Variants in SLCO1A2 observed in about 807,000 individuals in gnomAD.
SLCO1A2 encodes the protein OATP-1.
Under a neutral mutation model 69.0 loss-of-function variants are expected in SLCO1A2, and 67 were observed. The observed-to-expected ratio is 0.97, with a 90% CI of 0.80 to 1.19. The LOEUF (loss-of-function observed/expected upper bound fraction) is 1.19. Among genes scored for constraint, SLCO1A2 ranks in the 50% most tolerant of loss-of-function variants. The pLI is 0.00. For synonymous variants in SLCO1A2, 260 were observed against 265.9 expected (o/e 0.98, Z 0.22); for missense variants, 787 against 793.7 (o/e 0.99, Z 0.10).
intron 2 of SLCO1A2, chr12:21,319,305 C>T: frequency 7.5e-7 from 1 of 1,336,012 alleles, no homozygotes; most frequent in Non-Finnish European, 1.0e-6. Flanking sequence ...CAGAATTATA[C>T]AAAGACATTA....
intron 8 of SLCO1A2, among the ~76,000 whole-genome samples, chr12:21,299,749 T>C (rs1156377049): frequency 6.8e-6 from 1 of 146,332 alleles, no homozygotes; most frequent in Non-Finnish European, 1.5e-5. Flanking sequence ...TTTGAGCAAA[T>C]GGGACCATAT....
At chr12:21,373,568 T>C in intron 2 of SLCO1A2, 1 of 717,544 alleles carries the variant, frequency 1.4e-6, no homozygotes, top group Non-Finnish European at 2.5e-6. Context: ...GCTATTCCAT[T>C]GTTCCTTGAA....
intron 2 of SLCO1A2, among the ~76,000 whole-genome samples, chr12:21,321,506 ACTT>A (rs1286192733): frequency 2.6e-5 from 4 of 152,322 alleles, no homozygotes; most frequent in African/African-American, 9.6e-5. Flanking sequence ...AGCAAATTTT[ACTT>A]CTTAAAACTT....
At chr12:21,335,370 T>TA (rs1213318820), upstream of SLCO1A2, among the ~76,000 whole-genome samples, 1 of 141,256 alleles carries the variant, frequency 7.1e-6, no homozygotes, top group Admixed American at 6.8e-5. Context: ...TGGGTATCTA[T>TA]ATGTAGCTAT....
chr12:21,410,279 AAG>A (rs200241760), intron 1 of SLCO1A2, among the ~76,000 whole-genome samples: 8 of 150,766 alleles, frequency 5.3e-5, no homozygotes, highest in Non-Finnish European at 8.9e-5. Context: ...CATATTCCTA[AAG>A]AGAGAGAGAG....
At chr12:21,313,236 CA>C (rs1308369270) in intron 4 of SLCO1A2, among the ~76,000 whole-genome samples, 1 of 152,112 alleles carries the variant, frequency 6.6e-6, no homozygotes, top group African/African-American at 2.4e-5. Context: ...CAATAATTAT[CA>C]AATATGACCC....
intron 14 of SLCO1A2, among the ~76,000 whole-genome samples, chr12:21,271,653 ATATGTGTATATAAACATATATACC>A (rs563292950): frequency 0.096 from 14,205 of 147,950 alleles, 872 homozygotes; most frequent in Non-Finnish European, 0.14. Flanking sequence ...CTTTATATAC[ATATGTGTATATAAACATATATACC>A]TATGTGTATA....
rs183706077 is a variant in SLCO1A2, at chr12:21,280,868, A to G, written c.1611-5444T>C. Among the ~76,000 whole-genome samples, 366 of 152,238 alleles carry G rather than the reference A, an allele frequency of 2.4e-3. 2 individuals are homozygous for G. The highest frequency in any genetic ancestry group is 8.4e-3 in the African/African-American group (349 of 41,572). On this transcript the variant is annotated intron_variant, in intron 12 of 14. Transcript: ENST00000683939. Reference sequence around the variant, plus strand: ...ACAAACCAAGTCTTAAAACATCCAAAAAAAATTGAAATAATATCAAGTATC... The same window carrying G: ...ACAAACCAAGTCTTAAAACATCCAAGAAAAATTGAAATAATATCAAGTATC...
chr12:21,395,601 C>T (rs374801471), upstream of SLCO1A2, among the ~76,000 whole-genome samples: 1 of 152,204 alleles, frequency 6.6e-6, no homozygotes, highest in African/African-American at 2.4e-5. Context: ...CAGCAGTAAC[C>T]TCTGCAGACT....
intron 2 of SLCO1A2, among the ~76,000 whole-genome samples, chr12:21,320,842 C>G (rs1951518552): frequency 6.6e-6 from 1 of 152,072 alleles, no homozygotes; most frequent in South Asian, 2.1e-4. Context: ...TGCTTGTTTC[C>G]CCACTAGCTT....
intron 2 of SLCO1A2, among the ~76,000 whole-genome samples, chr12:21,362,746 A>T (rs1174869378): frequency 6.6e-6 from 1 of 152,228 alleles, no homozygotes; most frequent in Admixed American, 6.5e-5. Context: ...CAGGGTTGCA[A>T]TCCTAGTCTC....
At chr12:21,361,058 T>C (rs1938824437) in intron 2 of SLCO1A2, among the ~76,000 whole-genome samples, 1 of 152,070 alleles carries the variant, frequency 6.6e-6, no homozygotes, top group African/African-American at 2.4e-5. Context: ...AGCACGGAGT[T>C]TGAGATCTGA....
chr12:21,341,792 T>C (rs1953078092), intron 2 of SLCO1A2, among the ~76,000 whole-genome samples: 1 of 152,040 alleles, frequency 6.6e-6, no homozygotes, highest in Non-Finnish European at 1.5e-5. Context: ...TTAAATCATA[T>C]AAAGGAAACA....
At chr12:21,323,916 A>C (rs1951958580) in intron 2 of SLCO1A2, among the ~76,000 whole-genome samples, 1 of 152,134 alleles carries the variant, frequency 6.6e-6, no homozygotes, top group African/African-American at 2.4e-5. Flanking sequence ...TTAGGCCTAG[A>C]GGGAGGGTGC....
intron 7 of SLCO1A2, among the ~76,000 whole-genome samples, chr12:21,300,885 A>C (rs1462153996): frequency 6.6e-6 from 1 of 152,240 alleles, no homozygotes; most frequent in African/African-American, 2.4e-5. Flanking sequence ...TAATTGAAAT[A>C]AATTCAAACC....
At chr12:21,312,293 A>G (rs1186803619) in intron 4 of SLCO1A2, among the ~76,000 whole-genome samples, 1 of 152,164 alleles carries the variant, frequency 6.6e-6, no homozygotes, top group East Asian at 1.9e-4. Context: ...TTGGCTTAAA[A>G]ATTTCCTTCT....
intron 1 of SLCO1A2, among the ~76,000 whole-genome samples, chr12:21,409,488 T>C (rs968803960): frequency 8.5e-5 from 13 of 152,308 alleles, no homozygotes; most frequent in African/African-American, 2.6e-4. Flanking sequence ...GAAACAGTGA[T>C]ATTACATCTA....
intron 2 of SLCO1A2, among the ~76,000 whole-genome samples, chr12:21,366,799 G>T (rs574432667): frequency 2.5e-4 from 38 of 151,824 alleles, no homozygotes; most frequent in African/African-American, 8.7e-4. Flanking sequence ...TTTTTTTATG[G>T]AAAAGTTGGT....
chr12:21,307,196 A>G (rs1175917918), intron 4 of SLCO1A2, among the ~76,000 whole-genome samples: 1 of 152,230 alleles, frequency 6.6e-6, no homozygotes, highest in Non-Finnish European at 1.5e-5. Flanking sequence ...TTTTATACTT[A>G]GCTTTCAATA....
Sources: allele counts gnomAD v4.1 joint callset (sites outside exome capture counted in the v4.1 genomes callset), GRCh38; gene constraint gnomAD v4.1.1; transcripts MANE v1.5; gene names NCBI Gene and HGNC (gene_info 2026-07-23, HGNC 2026-07-21).